Variants in ZNF280D observed in about 807,000 individuals in gnomAD.
The protein encoded by ZNF280D is suppressor of hairy wing homolog 4.
In ZNF280D, 39 loss-of-function variants were observed where a neutral mutation model predicts 94.7. The ratio of observed to expected loss-of-function variants is 0.41; its 90% CI spans 0.32 to 0.54. The LOEUF (loss-of-function observed/expected upper bound fraction) is 0.54. ZNF280D is among the 20% of genes least tolerant of loss of function. ZNF280D has a pLI of 0.22. For synonymous variants in ZNF280D, 398 were observed against 377.6 expected (o/e 1.05, Z -0.63); for missense variants, 1,090 against 1,149.3 (o/e 0.95, Z 0.75).
chr15:56,689,102 C>T lies in ZNF280D; in HGVS notation c.719G>A (p.Arg240Lys), dbSNP rs2056255241. 1 of 1,610,926 alleles carries T rather than the reference C, an allele frequency of 6.2e-7. No individual in the cohort carries two copies. Among genetic ancestry groups the T allele is most frequent in the Non-Finnish European group, 8.5e-7 (1 of 1,178,780 alleles). Residue 240 changes from arginine to lysine, a missense_variant, in exon 9 of 22, where the codon AGA becomes AAA. Coordinates refer to ENST00000267807, the MANE Select transcript of ZNF280D (RefSeq NM_017661.4). ...ATGAATGTTGCACTTTGGACAAGCT[C>T]TTGGAAAAGGTGTTCCATTTTTAGA... ...NQSKNGTPFP[R>K]ACPKCNIHFN...
chr15:56,644,991 A>T (rs1257416134), intron 19 of ZNF280D: 6 of 152,226 alleles, frequency 3.9e-5, no homozygotes, highest in Admixed American at 1.3e-4. Context: ...AATCTTAAAA[A>T]TATTTAGAAA....
At chr15:56,654,572 T>C in intron 17 of ZNF280D, 69 bp from the exon 18 acceptor site, 2 of 1,443,762 alleles carry the variant, frequency 1.4e-6, no homozygotes, top group Middle Eastern at 2.1e-4. Flanking sequence ...TTGATGATTA[T>C]TTTTCCATAA....
intron 4 of ZNF280D, among the ~76,000 whole-genome samples, chr15:56,703,130 C>T (rs377125478): frequency 2.0e-5 from 3 of 152,174 alleles, no homozygotes; most frequent in African/African-American, 7.2e-5. Flanking sequence ...TCATCAGTAT[C>T]TGCACGTTAA....
chr15:56,633,999 C>A (rs2052222919), intron 21 of ZNF280D: 1 of 151,772 alleles, frequency 6.6e-6, no homozygotes, highest in South Asian at 2.1e-4. Flanking sequence ...TCATCTGGAT[C>A]CTGGCCATTT....
chr15:56,648,703 AG>A (rs2053038724), intron 19 of ZNF280D, among the ~76,000 whole-genome samples: 1 of 152,204 alleles, frequency 6.6e-6, no homozygotes, highest in African/African-American at 2.4e-5. Flanking sequence ...GAATTAAATG[AG>A]TAAATAAATG....
At chr15:56,721,991 C>G (rs750810916) in intron 1 of ZNF280D, among the ~76,000 whole-genome samples, 1 of 152,154 alleles carries the variant, frequency 6.6e-6, no homozygotes, top group Non-Finnish European at 1.5e-5. Context: ...GAGAGATGTG[C>G]AAATCTTCCT....
intron 19 of ZNF280D, among the ~76,000 whole-genome samples, chr15:56,644,101 A>G (rs2052763044): frequency 6.6e-6 from 1 of 152,066 alleles, no homozygotes; most frequent in Non-Finnish European, 1.5e-5. Flanking sequence ...TTTAGCTATT[A>G]GGCAAAACTG....
intron 12 of ZNF280D, 69 bp from the exon 13 acceptor site, chr15:56,676,885 T>C: frequency 1.7e-6 from 2 of 1,201,600 alleles, no homozygotes; most frequent in Non-Finnish European, 2.4e-6. Flanking sequence ...AAAGGAACAA[T>C]GATGGATAAT....
At chr15:56,634,034 A>G (rs149546134) in intron 21 of ZNF280D, 5 of 152,058 alleles carry the variant, frequency 3.3e-5, no homozygotes, top group African/African-American at 1.2e-4. Context: ...AGATATAGAT[A>G]TTTTTAAGGC....
intron 17 of ZNF280D, among the ~76,000 whole-genome samples, chr15:56,655,177 A>G (rs1301194650): frequency 6.6e-6 from 1 of 152,208 alleles, no homozygotes; most frequent in African/African-American, 2.4e-5. Flanking sequence ...GTAGTTAATA[A>G]AATACTAAAA....
At chr15:56,670,676 C>T (rs11635201) in intron 13 of ZNF280D, among the ~76,000 whole-genome samples, 23,005 of 151,710 alleles carry the variant, frequency 0.15, 1,808 homozygotes, top group Admixed American at 0.19. Context: ...CTTAACAGAA[C>T]GATTTATATT....
chr15:56,731,209 A>G (rs2058865543), intron 1 of ZNF280D, among the ~76,000 whole-genome samples: 1 of 152,172 alleles, frequency 6.6e-6, no homozygotes, highest in African/African-American at 2.4e-5. Flanking sequence ...GGTCTCTTCA[A>G]AAGGTCAATT....
At chr15:56,726,471 A>C (rs1244511695) in intron 1 of ZNF280D, among the ~76,000 whole-genome samples, 1 of 152,180 alleles carries the variant, frequency 6.6e-6, no homozygotes, top group Non-Finnish European at 1.5e-5. Context: ...AACTCATTAT[A>C]TCTTATAATT....
intron 12 of ZNF280D, 97 bp downstream of exon 12, chr15:56,677,477 C>T (rs1596467146): frequency 1.3e-6 from 1 of 775,606 alleles, no homozygotes; most frequent in African/African-American, 1.7e-5. Flanking sequence ...CCAAGTTATG[C>T]ATAAGTTTGC....
Position 56,654,430 on chromosome 15 carries a change from A to G in ZNF280D, c.2131T>C (p.Leu711=), listed in dbSNP as rs758614008. 6.2e-7 allele frequency: 1 copy of G among 1,612,612 alleles called. No homozygotes were observed. Among genetic ancestry groups the G allele is most frequent in the Non-Finnish European group, 8.5e-7 (1 of 1,179,522 alleles). The change falls in exon 18 of 22, where the codon TTA becomes CTA. Residue 711 remains leucine, a synonymous_variant. Transcript: ENST00000267807. ...VSGLDNMATH[L]SQHKTHTCQV... ...CAAGTATGAGTTTTATGTTGACTTAAGTGTGTAGCCATATTATCTAAGCCA... is the reference window on the plus strand; with the variant it reads ...CAAGTATGAGTTTTATGTTGACTTAGGTGTGTAGCCATATTATCTAAGCCA...
intron 1 of ZNF280D, 91 bp downstream of exon 1, chr15:56,733,367 T>A: frequency 1.3e-6 from 1 of 782,352 alleles, no homozygotes; most frequent in African/African-American, 1.9e-5. Flanking sequence ...AGACCCCCAG[T>A]CCAGCGCCCC....
chr15:56,729,704 T>C (rs940456182), intron 1 of ZNF280D: 1 of 152,202 alleles, frequency 6.6e-6, no homozygotes, highest in African/African-American at 2.4e-5. Context: ...AAATTCCTCA[T>C]GCAACTAGGA....
At chr15:56,678,904 C>A in intron 10 of ZNF280D, 83 bp from the exon 11 acceptor site, 1 of 1,310,394 alleles carries the variant, frequency 7.6e-7, no homozygotes, top group Non-Finnish European at 1.0e-6. Flanking sequence ...GAACCTAAAT[C>A]TTAAAAATAT....
At chr15:56,693,751 C>T (rs540769749) in intron 6 of ZNF280D, among the ~76,000 whole-genome samples, 16 of 151,992 alleles carry the variant, frequency 1.1e-4, no homozygotes, top group East Asian at 5.8e-4. Flanking sequence ...GGCAAACAAA[C>T]GGAATCAATC....
Sources: gnomAD v4.1 joint callset for allele counts (sites outside exome capture counted in the v4.1 genomes callset) on GRCh38, gnomAD v4.1.1 for gene constraint, MANE v1.5 for transcripts, NCBI Gene and HGNC (gene_info 2026-07-23, HGNC 2026-07-21) for gene names.